The following NRXN3 variants were observed in gnomAD, a reference collection of about 807,000 sequenced individuals.
NRXN3 encodes neurexin III.
NRXN3 carries 32 observed loss-of-function variants against 137.6 expected under a neutral mutation model. The ratio of observed to expected loss-of-function variants is 0.23; its 90% confidence interval spans 0.18 to 0.31. The LOEUF (loss-of-function observed/expected upper bound fraction) is 0.31, where lower values mean the gene tolerates loss of function less well. Ranked by LOEUF, NRXN3 falls within the 10% of genes least tolerant of loss-of-function variation. The probability of loss-of-function intolerance (pLI) is 1.00; values close to 1 mark genes in which losing one functional copy is unlikely to be tolerated. For synonymous variants in NRXN3, 798 were observed against 784.5 expected, an observed-to-expected ratio of 1.02 and a Z score of -0.29; for missense variants, 1,574 against 2,062.5, an observed-to-expected ratio of 0.76 and a Z score of 4.59.
At chr14:79,639,345 T>C (rs1361554309) in intron 16 of NRXN3, among the ~76,000 whole-genome samples, 3 of 152,208 alleles carry the variant, frequency 2.0e-5, no homozygotes, top group Non-Finnish European at 4.4e-5. Context: ...TAGTTATTTT[T>C]TTCTGCTCCT....
chr14:78,333,661 G>A (rs745643318), intron 4 of NRXN3, among the ~76,000 whole-genome samples: 2 of 152,124 alleles, frequency 1.3e-5, no homozygotes, highest in Non-Finnish European at 2.9e-5. Flanking sequence ...TTGGATATTT[G>A]AATGATGATG....
Position 78,802,392 on chromosome 14 carries a change from G to A in NRXN3, c.2045-1228G>A, listed in dbSNP as rs1391519595. Among the ~76,000 whole-genome samples, 8 of 152,264 alleles carry A rather than the reference G, an allele frequency of 5.3e-5. No individual in the cohort carries two copies. In the East Asian group the frequency reaches 1.2e-3, roughly 22 times the overall value. On this transcript the variant is annotated intron_variant, in intron 8 of 20. Transcript: ENST00000335750. ...ACACTGGGGCCTGTTGTGGGGTGGC[G>A]GGAGGTGGGAGGGATAGCATTAGGA...
intron 15 of NRXN3, among the ~76,000 whole-genome samples, chr14:79,324,406 T>A (rs2090546161): frequency 6.6e-6 from 1 of 152,166 alleles, no homozygotes; most frequent in Non-Finnish European, 1.5e-5. Context: ...AAAATAGGCT[T>A]GCAGGAAGAG....
At chr14:78,923,074 C>T (rs752787567) in intron 10 of NRXN3, among the ~76,000 whole-genome samples, 6 of 152,062 alleles carry the variant, frequency 3.9e-5, no homozygotes, top group Admixed American at 1.3e-4. Flanking sequence ...TAGGGACAGG[C>T]GGTCAGGTTT....
chr14:79,590,416 TAAAAAAA>T (rs11419735), intron 16 of NRXN3, among the ~76,000 whole-genome samples: 7 of 92,290 alleles, frequency 7.6e-5, no homozygotes, highest in Non-Finnish European at 1.1e-4. Flanking sequence ...TTTCTTTTGT[TAAAAAAA>T]AAAAAAAAAA....
Position 79,641,243 on chromosome 14 carries a change from C to T in NRXN3, c.3445-22535C>T, listed in dbSNP as rs537978743. Among the ~76,000 whole-genome samples, 71 of 134,274 alleles carry T rather than the reference C, an allele frequency of 5.3e-4. 17 individuals carry two copies. The highest frequency in any genetic ancestry group is 9.7e-4 in the Non-Finnish European group (56 of 57,870). The allele number at this position is 134,274 out of a possible 152,430, so 88.1% of individuals were successfully genotyped here. On this transcript the variant is annotated intron_variant, in intron 16 of 20. Transcript: ENST00000335750. Reference sequence around the variant, plus strand: ...CAGGCTAATCTGGAAATCCTGACCTCGTGATTTGCCCACCTCAGCCTCCCA... The same window carrying T: ...CAGGCTAATCTGGAAATCCTGACCTTGTGATTTGCCCACCTCAGCCTCCCA...
chr14:79,741,823 C>T (rs1423303362), intron 19 of NRXN3, among the ~76,000 whole-genome samples: 1 of 151,388 alleles, frequency 6.6e-6, no homozygotes, highest in Non-Finnish European at 1.5e-5. Context: ...CACACACACA[C>T]ACACACAGAG....
At chr14:78,346,181 C>T (rs1387238413) in intron 4 of NRXN3, among the ~76,000 whole-genome samples, 1 of 152,164 alleles carries the variant, frequency 6.6e-6, no homozygotes, top group Non-Finnish European at 1.5e-5. Context: ...ACCAGAAGGC[C>T]CTACAACCTC....
chr14:78,702,441 T>TC (rs1555446603), intron 6 of NRXN3, among the ~76,000 whole-genome samples: 2 of 54,548 alleles, frequency 3.7e-5, no homozygotes, highest in African/African-American at 1.0e-4. Flanking sequence ...AGAATCTTTC[T>TC]TTTTCTTTTC....
At chr14:78,942,198 A>G (rs1314291202) in intron 10 of NRXN3, among the ~76,000 whole-genome samples, 2 of 152,244 alleles carry the variant, frequency 1.3e-5, no homozygotes, top group Non-Finnish European at 2.9e-5. Context: ...TTCATCATAC[A>G]TCCTTCAAAC....
chr14:78,257,444 TAAAGCAGCTTA>T (rs950879542), intron 2 of NRXN3, among the ~76,000 whole-genome samples: 4 of 152,238 alleles, frequency 2.6e-5, no homozygotes, highest in African/African-American at 9.6e-5. Context: ...AGAATGTTTG[TAAAGCAGCTTA>T]AAAGGGAGCA....
intron 14 of NRXN3, among the ~76,000 whole-genome samples, chr14:78,970,028 A>G (rs1006500034): frequency 1.3e-5 from 2 of 152,186 alleles, no homozygotes; most frequent in Non-Finnish European, 2.9e-5. Context: ...TAAATTGTAT[A>G]TAGTGTTTAG....
At chr14:78,321,092 G>T (rs2079295790) in intron 4 of NRXN3, among the ~76,000 whole-genome samples, 1 of 151,244 alleles carries the variant, frequency 6.6e-6, no homozygotes, top group African/African-American at 2.4e-5. Context: ...CTCCAGTCTG[G>T]TGACTGAGCG....
chr14:78,353,675 G>A (rs2153597947), intron 4 of NRXN3, among the ~76,000 whole-genome samples: 1 of 152,276 alleles, frequency 6.6e-6, no homozygotes, highest in South Asian at 2.1e-4. Flanking sequence ...TCCTCTGGTG[G>A]CTTGAAGAGG....
At chr14:78,295,231 C>T (rs913295535) in intron 3 of NRXN3, among the ~76,000 whole-genome samples, 1 of 152,202 alleles carries the variant, frequency 6.6e-6, no homozygotes, top group South Asian at 2.1e-4. Context: ...TTTCTCCCCC[C>T]AGTCCTGTTT....
At chr14:79,758,852 G>GT (rs1187261178) in intron 19 of NRXN3, among the ~76,000 whole-genome samples, 1 of 152,160 alleles carries the variant, frequency 6.6e-6, no homozygotes, top group Non-Finnish European at 1.5e-5. Flanking sequence ...TCAAGGTTTG[G>GT]TTTTCTAGCA....
At chr14:79,744,822 G>T (rs2098974308) in intron 19 of NRXN3, among the ~76,000 whole-genome samples, 1 of 152,122 alleles carries the variant, frequency 6.6e-6, no homozygotes, top group African/African-American at 2.4e-5. Context: ...CAGGACAAAA[G>T]TAGGTATGAG....
chr14:79,298,746 T>C (rs1297488520), intron 15 of NRXN3: 1 of 152,194 alleles, frequency 6.6e-6, no homozygotes, highest in Non-Finnish European at 1.5e-5. Context: ...AGGGGAGAAT[T>C]CTAGAAGGTT....
intron 15 of NRXN3, among the ~76,000 whole-genome samples, chr14:79,111,343 A>T (rs2053481106): frequency 6.6e-6 from 1 of 152,204 alleles, no homozygotes; most frequent in African/African-American, 2.4e-5. Flanking sequence ...TTTCAATTTC[A>T]TCAGTATTCT....
Sources: gnomAD v4.1 joint callset for allele counts (sites outside exome capture counted in the v4.1 genomes callset) on GRCh38, gnomAD v4.1.1 for gene constraint, MANE v1.5 for transcripts, NCBI Gene and HGNC (gene_info 2026-07-23, HGNC 2026-07-21) for gene names.